The following LHFPL6 variants were observed in gnomAD, a reference collection of about 807,000 sequenced individuals.
LHFPL6 encodes LHFPL tetraspan subfamily member 6, also known as LHFPL tetraspan subfamily member 6 protein.
LHFPL6 carries 9 observed loss-of-function variants against 20.6 expected under a neutral mutation model. That is an observed-to-expected ratio of 0.44 (90% CI 0.26 to 0.76). The LOEUF (loss-of-function observed/expected upper bound fraction) is 0.76. Among genes scored for constraint, LHFPL6 ranks in the 30% least tolerant of loss-of-function variants. The probability of loss-of-function intolerance (pLI) is 0.20; values close to 1 mark genes in which losing one functional copy is unlikely to be tolerated. For synonymous variants in LHFPL6, 105 were observed against 98.7 expected (o/e 1.06, Z -0.38); for missense variants, 218 against 253.5 (o/e 0.86, Z 0.95).
At chr13:39,409,490 G>A (rs1348929456) in intron 2 of LHFPL6, among the ~76,000 whole-genome samples, 1 of 151,932 alleles carries the variant, frequency 6.6e-6, no homozygotes, top group African/African-American at 2.4e-5. Context: ...AAAAACATTT[G>A]AAATGTACTG....
chr13:39,460,004 A>C (rs1466710092), intron 2 of LHFPL6, among the ~76,000 whole-genome samples: 1 of 152,204 alleles, frequency 6.6e-6, no homozygotes, highest in Non-Finnish European at 1.5e-5. Context: ...TTTTCTTTAA[A>C]AAAAAAGATA....
At chr13:39,483,391 C>A (rs1232525853) in intron 2 of LHFPL6, among the ~76,000 whole-genome samples, 1 of 151,768 alleles carries the variant, frequency 6.6e-6, no homozygotes, top group Non-Finnish European at 1.5e-5. Flanking sequence ...TGGAAGTTTT[C>A]TTTGCCCCCT....
chr13:39,512,674 G>T (rs1216075411), intron 2 of LHFPL6, among the ~76,000 whole-genome samples: 2 of 151,972 alleles, frequency 1.3e-5, no homozygotes, highest in Admixed American at 6.5e-5. Flanking sequence ...TGATTAGCCA[G>T]TTCTGTTCCC....
rs563319248 is a variant in LHFPL6, at chr13:39,455,874, G to C, written c.386-77348C>G. Among the ~76,000 whole-genome samples, 46 of 152,272 alleles carry C rather than the reference G, an allele frequency of 3.0e-4. 1 individual carries two copies. The highest frequency in any genetic ancestry group is 1.1e-3 in the African/African-American group (45 of 41,540). On this transcript the variant is annotated intron_variant, in intron 2 of 3. Coordinates refer to ENST00000379589, the MANE Select transcript of LHFPL6 (RefSeq NM_005780.3). ...ACATAAGAAACAAATAAAAAAATCA[G>C]AAATTTGATTAAATTTCAGATGAAC...
intron 2 of LHFPL6, among the ~76,000 whole-genome samples, chr13:39,577,809 CT>C (rs548310803): frequency 0.029 from 4,245 of 145,826 alleles, 127 homozygotes; most frequent in African/African-American, 0.073. Flanking sequence ...AATTTCTGTA[CT>C]TTTTTTTTTT....
At chr13:39,399,141 G>A (rs1246305225) in intron 2 of LHFPL6, among the ~76,000 whole-genome samples, 1 of 152,140 alleles carries the variant, frequency 6.6e-6, no homozygotes, top group Non-Finnish European at 1.5e-5. Flanking sequence ...CCATAAAAGG[G>A]GCTTTCAAAG....
At chr13:39,487,920 A>G (rs868162709) in intron 2 of LHFPL6, among the ~76,000 whole-genome samples, 32 of 152,262 alleles carry the variant, frequency 2.1e-4, no homozygotes, top group Middle Eastern at 3.4e-3. Flanking sequence ...TGGTTCTCTA[A>G]TTGCTTTTGC....
chr13:39,395,995 T>TC (rs1870830661), intron 2 of LHFPL6, among the ~76,000 whole-genome samples: 1 of 152,204 alleles, frequency 6.6e-6, no homozygotes, highest in Non-Finnish European at 1.5e-5. Context: ...TTTTCACAAT[T>TC]TGTGTGCCTT....
chr13:39,571,911 C>T (rs767976327), intron 2 of LHFPL6, among the ~76,000 whole-genome samples: 18 of 152,340 alleles, frequency 1.2e-4, no homozygotes, highest in South Asian at 8.3e-4. Flanking sequence ...CCGGATCCTA[C>T]GCTCGCTTGC....
chr13:39,562,997 T>C (rs994106991), intron 2 of LHFPL6, among the ~76,000 whole-genome samples: 4 of 151,916 alleles, frequency 2.6e-5, no homozygotes. Context: ...AGAAAGCTGA[T>C]GCCTGCTAGT....
intron 2 of LHFPL6, among the ~76,000 whole-genome samples, chr13:39,487,981 T>A (rs1178960481): frequency 6.6e-6 from 1 of 152,190 alleles, no homozygotes; most frequent in Non-Finnish European, 1.5e-5. Context: ...TTGCATCCAG[T>A]GCTATGGTCT....
At chr13:39,515,838 A>G (rs1415928494) in intron 2 of LHFPL6, among the ~76,000 whole-genome samples, 1 of 152,196 alleles carries the variant, frequency 6.6e-6, no homozygotes, top group Non-Finnish European at 1.5e-5. Flanking sequence ...GCCAATAATA[A>G]AAACTATTTG....
intron 2 of LHFPL6, among the ~76,000 whole-genome samples, chr13:39,457,069 G>A (rs1282714130): frequency 6.6e-6 from 1 of 151,790 alleles, no homozygotes; most frequent in Non-Finnish European, 1.5e-5. Flanking sequence ...AAAACTGCTG[G>A]GATTATAGAC....
Position 39,562,417 on chromosome 13 carries a change from C to CATAT in LHFPL6, c.385+38411_385+38414dup, listed in dbSNP as rs57302247. Among the ~76,000 whole-genome samples the CATAT allele has an allele frequency of 2.9e-3, 166 of 57,906 alleles. 3 individuals are homozygous for CATAT. Among genetic ancestry groups the CATAT allele is most frequent in the African/African-American group, 6.1e-3 (117 of 19,096 alleles). The allele number at this position is 57,906 out of a possible 152,430, so 38.0% of individuals were successfully genotyped here. On this transcript the variant is annotated intron_variant, in intron 2 of 3. Coordinates refer to ENST00000379589, the MANE Select transcript of LHFPL6 (RefSeq NM_005780.3). Reference sequence around the variant, plus strand: ...ATATATACATATATACACATATACACATATACATATATACATATATACATA... The same window carrying CATAT: ...ATATATACATATATACACATATACACATATATATACATATATACATATATACATA...
intron 2 of LHFPL6, among the ~76,000 whole-genome samples, chr13:39,588,278 A>C (rs929554992): frequency 6.6e-6 from 1 of 152,188 alleles, no homozygotes; most frequent in African/African-American, 2.4e-5. Flanking sequence ...GCAGGAACCC[A>C]ATTTTTATCC....
At chr13:39,525,866 CT>C (rs11432667) in intron 2 of LHFPL6, among the ~76,000 whole-genome samples, 3 of 149,448 alleles carry the variant, frequency 2.0e-5, no homozygotes, top group South Asian at 4.2e-4. Flanking sequence ...ATAATTTTTC[CT>C]TTTTTTTTTC....
intron 2 of LHFPL6, among the ~76,000 whole-genome samples, chr13:39,400,656 G>A (rs960775763): frequency 4.7e-5 from 7 of 149,348 alleles, no homozygotes; most frequent in South Asian, 4.3e-4. Flanking sequence ...AGTGGCGGGC[G>A]CCTGTAGTCC....
chr13:39,419,482 GA>G (rs892049670), intron 2 of LHFPL6, among the ~76,000 whole-genome samples: 1 of 152,172 alleles, frequency 6.6e-6, no homozygotes. Context: ...AACAAAAAGT[GA>G]AAAGCTTTAT....
chr13:39,412,815 C>T (rs962596364), intron 2 of LHFPL6, among the ~76,000 whole-genome samples: 9 of 151,326 alleles, frequency 5.9e-5, no homozygotes, highest in East Asian at 3.9e-4. Context: ...CCCAGCTACT[C>T]GGGAGGCTGA....
Sources: allele counts gnomAD v4.1 joint callset (sites outside exome capture counted in the v4.1 genomes callset), GRCh38; gene constraint gnomAD v4.1.1; transcripts MANE v1.5; gene names NCBI Gene and HGNC (gene_info 2026-07-23, HGNC 2026-07-21).